The following IFIH1 variants were observed in gnomAD, a reference collection of about 807,000 sequenced individuals.
The protein encoded by IFIH1 is interferon induced with helicase C domain 1, also known as interferon-induced helicase C domain-containing protein 1.
A neutral mutation model predicts 107.4 loss-of-function variants in IFIH1; 125 were observed. The ratio of observed to expected loss-of-function variants is 1.16; its 90% confidence interval spans 1.01 to 1.35. The LOEUF (loss-of-function observed/expected upper bound fraction) is 1.35, where lower values mean the gene tolerates loss of function less well. Ranked by LOEUF, IFIH1 falls within the 40% of genes most tolerant of loss-of-function variation. IFIH1 has a pLI of 0.00. For synonymous variants in IFIH1, 458 were observed against 413.2 expected (o/e 1.11, Z -1.31); for missense variants, 1,333 against 1,213.7 (o/e 1.10, Z -1.46).
chr2:162,298,367 G>A (rs1024395537), intron 3 of IFIH1, among the ~76,000 whole-genome samples: 33 of 152,130 alleles, frequency 2.2e-4, no homozygotes, highest in African/African-American at 7.7e-4. Context: ...AGCAGGAAAC[G>A]CGAGGGGAAA....
chr2:162,281,569 C>T lies in IFIH1; in HGVS notation c.1307-24G>A, dbSNP rs1435349479. 1.2e-5 allele frequency: 18 copies of T among 1,515,966 alleles called. No homozygotes were observed. In the Admixed American group the frequency reaches 3.2e-4, roughly 27 times the overall value. 93.9% of individuals were successfully genotyped at this position (1,515,966 alleles called of 1,614,324 possible). A position where few individuals can be genotyped will look rare whatever the true frequency, so the allele number is the denominator to read the frequency against. On this transcript the variant is annotated intron_variant, in intron 6 of 15. Transcript: ENST00000649979. ...GTCTTAAAAGAAAATTCAAAGAGTT[C>T]ATTTCTCCATATCAGCACACTACAG...
At position 162,277,706 on chromosome 2, in the gene IFIH1, A is replaced by G. The variant is rs1410737192; in HGVS notation, c.1766-13T>C. On this transcript the variant is annotated splice_polypyrimidine_tract_variant and intron_variant, in intron 9 of 15. Coordinates refer to ENST00000649979, the MANE Select transcript of IFIH1 (RefSeq NM_022168.4). The stretch of plus-strand genomic sequence containing the variant: ...CCTTCTTTTGCAGCTGTGAAAAAAT[A>G]TATTATGTAAGTGAAATAATAAGCA... The G allele has an allele frequency of 1.7e-5, 27 of 1,595,448 alleles. No individual in the cohort carries two copies. The highest frequency in any genetic ancestry group is 2.2e-5 in the Non-Finnish European group (26 of 1,171,838).
At chr2:162,284,837 A>G (rs1000760454) in intron 5 of IFIH1, among the ~76,000 whole-genome samples, 2 of 152,004 alleles carry the variant, frequency 1.3e-5, no homozygotes, top group Non-Finnish European at 2.9e-5. Context: ...TTGTCTTTAA[A>G]TACACTCATG....
intron 5 of IFIH1, among the ~76,000 whole-genome samples, chr2:162,286,028 C>T (rs536137180): frequency 9.9e-5 from 15 of 152,022 alleles, no homozygotes; most frequent in African/African-American, 2.2e-4. Flanking sequence ...ATGTCTCCTA[C>T]GCTCTGCACT....
Position 162,318,564 on chromosome 2 carries a change from C to A in IFIH1, c.-257G>T. The A allele has an allele frequency of 4.0e-6, 1 of 248,694 alleles. No homozygotes were observed. The highest frequency in any genetic ancestry group is 7.5e-6 in the Non-Finnish European group (1 of 132,822). 15.4% of individuals were successfully genotyped at this position (248,694 alleles called of 1,614,324 possible). ...GGCCGCGGCAGGCAGGTGCGGCCGG[C>A]AGGCGCGGCACTTTGGACTCTGCGG... On this transcript the variant is annotated 5_prime_UTR_variant, in exon 1 of 16. Transcript: ENST00000649979.
At chr2:162,282,719 C>G in intron 5 of IFIH1, 143 bp from the exon 6 acceptor site, 2 of 604,298 alleles carry the variant, frequency 3.3e-6, no homozygotes, top group South Asian at 4.0e-5. Flanking sequence ...TCCCATCACT[C>G]CTTTCATTCA....
chr2:162,289,377 C>G (rs1001243098), intron 4 of IFIH1, among the ~76,000 whole-genome samples: 1 of 150,822 alleles, frequency 6.6e-6, no homozygotes, highest in Middle Eastern at 3.2e-3. Flanking sequence ...ACCTATATTA[C>G]CAGGGGAAAA....
intron 5 of IFIH1, among the ~76,000 whole-genome samples, chr2:162,286,894 A>G (rs1272625172): frequency 6.6e-6 from 1 of 151,974 alleles, no homozygotes; most frequent in Non-Finnish European, 1.5e-5. Flanking sequence ...AGAGCAGGGT[A>G]GTTATTATTT....
Position 162,316,996 on chromosome 2 carries a change from A to T in IFIH1, c.453+859T>A, listed in dbSNP as rs1409833361. Among the ~76,000 whole-genome samples the T allele has an allele frequency of 2.0e-5, 3 of 150,946 alleles. No homozygotes were observed. The East Asian group carries it at 5.9e-4, about 30-fold the overall frequency. On this transcript the variant is annotated intron_variant, in intron 1 of 15. Transcript: ENST00000649979. ...AATTTTGATTCTCAAAGAATGTTGA[A>T]ACTTTGATTAAAGAAAAAGGGTGTG... is the stretch of plus-strand genomic sequence containing the variant.
chr2:162,281,678 T>A, intron 6 of IFIH1, 133 bp from the exon 7 acceptor site: 3 of 615,112 alleles, frequency 4.9e-6, no homozygotes, highest in Non-Finnish European at 5.7e-6. Context: ...CCACTTTCAG[T>A]TTTTAGGAGG....
intron 7 of IFIH1, 67 bp from the exon 8 acceptor site, chr2:162,280,179 C>T (rs1682780385): frequency 1.2e-6 from 1 of 843,404 alleles, no homozygotes; most frequent in Middle Eastern, 3.4e-4. Context: ...CAACGTAGAA[C>T]TCTTTTTCAT....
At chr2:162,309,304 G>A (rs576443562) in intron 2 of IFIH1, among the ~76,000 whole-genome samples, 1 of 152,268 alleles carries the variant, frequency 6.6e-6, no homozygotes, top group Non-Finnish European at 1.5e-5. Context: ...TGAGACACTA[G>A]GCAGGGTCAT....
chr2:162,306,637 A>G (rs1174906592), intron 3 of IFIH1, 72 bp downstream of exon 3: 1 of 1,156,730 alleles, frequency 8.6e-7, no homozygotes, highest in East Asian at 2.4e-5. Flanking sequence ...CCCTCTGATT[A>G]ATAGGTTCTG....
chr2:162,277,947 T>C, intron 9 of IFIH1, among the ~76,000 whole-genome samples: 1 of 152,110 alleles, frequency 6.6e-6, no homozygotes, highest in East Asian at 1.9e-4. Context: ...AATATATTAG[T>C]TGAGTTTGCC....
intron 2 of IFIH1, among the ~76,000 whole-genome samples, chr2:162,308,913 A>G (rs538891009): frequency 6.6e-6 from 1 of 152,206 alleles, no homozygotes; most frequent in Non-Finnish European, 1.5e-5. Flanking sequence ...TCACCTAAAC[A>G]TTGTCCAAAT....
intron 7 of IFIH1, among the ~76,000 whole-genome samples, chr2:162,280,516 G>A (rs1024322804): frequency 1.1e-4 from 16 of 151,924 alleles, no homozygotes; most frequent in African/African-American, 3.6e-4. Context: ...GCATATCAAA[G>A]GTCAACTTGA....
At position 162,267,326 on chromosome 2, in the gene IFIH1, T is replaced by C. The variant is rs763680693; in HGVS notation, c.2952A>G (p.Ile984Met). The C allele has an allele frequency of 2.1e-5, 34 of 1,612,684 alleles. No homozygotes were observed. Among genetic ancestry groups the C allele is most frequent in the Non-Finnish European group, 2.7e-5 (32 of 1,179,730 alleles). Residue 984 changes from isoleucine to methionine, a missense_variant, in exon 16 of 16, where the codon ATA becomes ATG. By Grantham distance (10) the Ile-to-Met change is conservative. Transcript: ENST00000649979. ...HKGLDLPCLKIRNFVVVFKNN... is the reference protein window; with the variant it reads ...HKGLDLPCLKMRNFVVVFKNN... ...TTTTGAAAACCACTACAAAATTCCTTATTTTGAGACAAGGCAAATCTAAGC... is the reference window on the plus strand; with the variant it reads ...TTTTGAAAACCACTACAAAATTCCTCATTTTGAGACAAGGCAAATCTAAGC...
intron 13 of IFIH1, among the ~76,000 whole-genome samples, chr2:162,268,710 C>A (rs1423445026): frequency 2.6e-5 from 4 of 152,144 alleles, no homozygotes; most frequent in Non-Finnish European, 5.9e-5. Context: ...CTGCCTTAGA[C>A]TCCCAAGTAG....
chr2:162,308,198 T>C (rs1558875438), intron 2 of IFIH1, among the ~76,000 whole-genome samples: 1 of 152,140 alleles, frequency 6.6e-6, no homozygotes, highest in Non-Finnish European at 1.5e-5. Context: ...AAGATCAAGG[T>C]GACAGCAGGG....
Sources: gnomAD v4.1 joint callset for allele counts (sites outside exome capture counted in the v4.1 genomes callset) on GRCh38, gnomAD v4.1.1 for gene constraint, MANE v1.5 for transcripts, NCBI Gene and HGNC (gene_info 2026-07-23, HGNC 2026-07-21) for gene names.